Variants in CCDC171 observed in about 807,000 individuals in gnomAD.
The protein encoded by CCDC171 is coiled-coil domain-containing protein 171.
CCDC171 carries 177 observed loss-of-function variants against 168.2 expected under a neutral mutation model. The ratio of observed to expected loss-of-function variants is 1.05; its 90% CI spans 0.93 to 1.19. The LOEUF is 1.19. Ranked by LOEUF, CCDC171 falls within the 50% of genes most tolerant of loss-of-function variation. The probability of loss-of-function intolerance (pLI) is 0.00; values close to 1 mark genes in which losing one functional copy is unlikely to be tolerated. For missense variants in CCDC171, 1,991 were observed against 1,539.0 expected (o/e 1.29, Z -4.91); for synonymous variants, 687 against 540.8 (o/e 1.27, Z -3.75).
At chr9:15,969,227 A>C (rs534411652) in intron 25 of CCDC171, among the ~76,000 whole-genome samples, 1 of 152,212 alleles carries the variant, frequency 6.6e-6, no homozygotes. Flanking sequence ...GAAAGTAGAC[A>C]TATTAGAAAA....
At chr9:15,979,069 C>T (rs1831710658) in intron 3 of CCDC171, among the ~76,000 whole-genome samples, 1 of 152,160 alleles carries the variant, frequency 6.6e-6, no homozygotes, top group Non-Finnish European at 1.5e-5. Flanking sequence ...GTATCTACTT[C>T]ATTCCTTTTC....
At chr9:15,906,202 C>T (rs1211035221) in intron 24 of CCDC171, among the ~76,000 whole-genome samples, 1 of 152,168 alleles carries the variant, frequency 6.6e-6, no homozygotes, top group South Asian at 2.1e-4. Flanking sequence ...ATACCAAAGC[C>T]TGGCAGAGAC....
intron 3 of CCDC171, among the ~76,000 whole-genome samples, chr9:15,988,619 G>A (rs772240699): frequency 2.6e-5 from 4 of 152,196 alleles, no homozygotes; most frequent in South Asian, 2.1e-4. Flanking sequence ...ATGAGCCAAC[G>A]CAGGGCGAGG....
At chr9:15,650,220 T>A (rs1392410190) in intron 7 of CCDC171, among the ~76,000 whole-genome samples, 5 of 151,886 alleles carry the variant, frequency 3.3e-5, no homozygotes, top group East Asian at 1.9e-4. Flanking sequence ...GGACACAGGA[T>A]GGGGAACATC....
intron 3 of CCDC171, among the ~76,000 whole-genome samples, chr9:16,001,092 G>A (rs1832528827): frequency 6.6e-6 from 1 of 152,152 alleles, no homozygotes; most frequent in Non-Finnish European, 1.5e-5. Flanking sequence ...GATTTATAAT[G>A]ACATGCTGAA....
chr9:16,028,190 C>T (rs951960582), intron 6 of CCDC171, among the ~76,000 whole-genome samples: 6 of 152,108 alleles, frequency 3.9e-5, no homozygotes, highest in African/African-American at 7.2e-5. Flanking sequence ...TGCAAATGCA[C>T]GTCCTGATAC....
chr9:15,808,071 G>A (rs898773599), intron 21 of CCDC171, among the ~76,000 whole-genome samples: 2 of 152,012 alleles, frequency 1.3e-5, no homozygotes, highest in Non-Finnish European at 2.9e-5. Context: ...GTCCAGAAGT[G>A]AAAGTATCCT....
Position 15,571,633 on chromosome 9 carries a change from T to A in CCDC171, c.51T>A (p.Ile17=). ...SNTGDTQRLK[I]ASLDVKQILK... The stretch of plus-strand genomic sequence containing the variant: ...TAATCTCATTTTAAAGGTTGAAGAT[T>A]GCCTCATTGGATGTAAAACAAATAC... The change falls in exon 3 of 26, where the codon ATT becomes ATA. Residue 17 remains isoleucine, a synonymous_variant. Coordinates refer to ENST00000380701, the MANE Select transcript of CCDC171 (RefSeq NM_173550.4). 2 of 1,553,632 alleles carry A rather than the reference T, an allele frequency of 1.3e-6. No homozygotes were observed. Among genetic ancestry groups the A allele is most frequent in the Non-Finnish European group, 1.7e-6 (2 of 1,156,846 alleles).
At chr9:16,025,306 G>C (rs560726540) in intron 6 of CCDC171, among the ~76,000 whole-genome samples, 1 of 152,248 alleles carries the variant, frequency 6.6e-6, no homozygotes, top group South Asian at 2.1e-4. Context: ...GCCTGATGTG[G>C]TCATGTGCGC....
chr9:15,660,032 C>T (rs2048201588), intron 8 of CCDC171, among the ~76,000 whole-genome samples: 1 of 151,998 alleles, frequency 6.6e-6, no homozygotes, highest in Non-Finnish European at 1.5e-5. Flanking sequence ...TTTTTCCTAT[C>T]TTGTTTTAAT....
At chr9:16,014,741 T>C (rs542901059) in intron 3 of CCDC171, among the ~76,000 whole-genome samples, 16 of 152,278 alleles carry the variant, frequency 1.1e-4, no homozygotes, top group East Asian at 5.8e-4. Flanking sequence ...TGTCAATAAA[T>C]AGTAATATTT....
At chr9:16,011,392 G>A (rs1181557653) in intron 3 of CCDC171, among the ~76,000 whole-genome samples, 1 of 115,030 alleles carries the variant, frequency 8.7e-6, no homozygotes, top group Non-Finnish European at 1.8e-5. Context: ...TAGTAATGGT[G>A]TGAAAAATGC....
At chr9:15,674,876 C>G (rs913683061) in intron 9 of CCDC171, among the ~76,000 whole-genome samples, 1 of 152,140 alleles carries the variant, frequency 6.6e-6, no homozygotes, top group African/African-American at 2.4e-5. Context: ...TCTGTTAGGT[C>G]TGCTTGGTGC....
At chr9:15,794,465 G>A (rs578017091) in intron 21 of CCDC171, among the ~76,000 whole-genome samples, 43 of 113,460 alleles carry the variant, frequency 3.8e-4, no homozygotes, top group African/African-American at 1.3e-3. Context: ...CTCTGTCCCC[G>A]CCCCCACCCC....
intron 18 of CCDC171, among the ~76,000 whole-genome samples, chr9:15,750,479 A>G (rs900049498): frequency 6.6e-6 from 1 of 152,226 alleles, no homozygotes; most frequent in African/African-American, 2.4e-5. Context: ...GGCCAGCATC[A>G]TCCTGATACC....
downstream of CCDC171, among the ~76,000 whole-genome samples, chr9:15,974,204 G>A (rs77855935): frequency 0.093 from 14,121 of 151,844 alleles, 861 homozygotes; most frequent in Non-Finnish European, 0.13. Flanking sequence ...GCGATCATTA[G>A]TATTCACTAC....
intron 2 of CCDC171, among the ~76,000 whole-genome samples, chr9:15,569,774 C>G (rs2131034636): frequency 6.6e-6 from 1 of 151,098 alleles, no homozygotes; most frequent in East Asian, 2.0e-4. Flanking sequence ...GAGATCGTGC[C>G]ACTGCACTCC....
the CCDC171 span, among the ~76,000 whole-genome samples, chr9:16,097,386 A>G: frequency 6.6e-6 from 1 of 152,258 alleles, no homozygotes; most frequent in African/African-American, 2.4e-5. Context: ...TCCAAAAGGG[A>G]AAGCAATATT....
intron 7 of CCDC171, among the ~76,000 whole-genome samples, chr9:15,631,739 A>G (rs1244002620): frequency 6.6e-6 from 1 of 152,224 alleles, no homozygotes; most frequent in Non-Finnish European, 1.5e-5. Flanking sequence ...TTAGACCACT[A>G]TCCTTGATGA....
Sources: gnomAD v4.1 joint callset for allele counts (sites outside exome capture counted in the v4.1 genomes callset) on GRCh38, gnomAD v4.1.1 for gene constraint, MANE v1.5 for transcripts, NCBI Gene and HGNC (gene_info 2026-07-23, HGNC 2026-07-21) for gene names.